The following GREB1 variants were observed in gnomAD, a reference collection of about 807,000 sequenced individuals.
GREB1 encodes growth regulating estrogen receptor binding 1.
Under a neutral mutation model 200.7 loss-of-function variants are expected in GREB1, and 106 were observed. The ratio of observed to expected loss-of-function variants is 0.53; its 90% CI spans 0.45 to 0.62. GREB1 has a LOEUF of 0.62. Among genes scored for constraint, GREB1 ranks in the 20% least tolerant of loss-of-function variants. GREB1 has a pLI of 0.00. For missense variants in GREB1, 2,243 were observed against 2,556.8 expected (o/e 0.88, Z 2.65); for synonymous variants, 1,132 against 1,092.4 (o/e 1.04, Z -0.72).
At chr2:11,488,873 T>A (rs1411183031) in intron 1 of GREB1, among the ~76,000 whole-genome samples, 2 of 105,784 alleles carry the variant, frequency 1.9e-5, no homozygotes, top group Non-Finnish European at 4.0e-5. Context: ...CAGTTTTCAT[T>A]AAAAAAAAAA....
chr2:11,627,376 G>A (rs1192437306), intron 25 of GREB1, among the ~76,000 whole-genome samples: 2 of 152,216 alleles, frequency 1.3e-5, no homozygotes, highest in Admixed American at 6.5e-5. Context: ...GCTTTCAGAA[G>A]TTAGTCCAAT....
intron 1 of GREB1, among the ~76,000 whole-genome samples, chr2:11,505,180 C>G (rs1166776075): frequency 6.6e-6 from 1 of 152,160 alleles, no homozygotes; most frequent in Non-Finnish European, 1.5e-5. Flanking sequence ...GATCCACCTG[C>G]CTCGGCCTCC....
intron 1 of GREB1, among the ~76,000 whole-genome samples, chr2:11,484,671 G>C (rs1235421346): frequency 6.6e-6 from 1 of 152,020 alleles, no homozygotes; most frequent in Non-Finnish European, 1.5e-5. Context: ...TGTAGTCCTA[G>C]CACTTGGAGC....
intron 17 of GREB1, among the ~76,000 whole-genome samples, chr2:11,605,144 C>CTTTTTT (rs3035991): frequency 0.011 from 501 of 44,812 alleles, 115 homozygotes; most frequent in East Asian, 0.024. Context: ...GAGCCTGCTT[C>CTTTTTT]TTTTTTTTTT....
chr2:11,571,812 G>A (rs373203324), intron 4 of GREB1, among the ~76,000 whole-genome samples: 3 of 152,008 alleles, frequency 2.0e-5, no homozygotes, highest in South Asian at 4.1e-4. Flanking sequence ...CTGGGTTCAC[G>A]CCATTCTCCT....
intron 7 of GREB1, 66 bp from the exon 8 acceptor site, chr2:11,585,095 C>A: frequency 4.9e-6 from 4 of 813,348 alleles, no homozygotes; most frequent in South Asian, 5.1e-5. Context: ...TTCTCCAAAC[C>A]AAGGGTAAAT....
intron 1 of GREB1, among the ~76,000 whole-genome samples, chr2:11,546,910 A>C (rs1039724012): frequency 2.0e-5 from 3 of 149,802 alleles, no homozygotes; most frequent in African/African-American, 7.4e-5. Flanking sequence ...GAAAGTGAGG[A>C]TGTCTGAGAA....
At chr2:11,504,755 G>T (rs1673135540) in intron 1 of GREB1, among the ~76,000 whole-genome samples, 2 of 152,088 alleles carry the variant, frequency 1.3e-5, no homozygotes, top group East Asian at 3.9e-4. Flanking sequence ...TCCAAACATT[G>T]CTTGATTGCT....
upstream of GREB1, among the ~76,000 whole-genome samples, chr2:11,533,058 A>G (rs557236061): frequency 2.0e-5 from 3 of 152,386 alleles, no homozygotes; most frequent in Admixed American, 2.0e-4. Context: ...GAAGGAATGA[A>G]TGGCAACTCC....
intron 1 of GREB1, among the ~76,000 whole-genome samples, chr2:11,509,869 GTT>G (rs1279120280): frequency 6.6e-6 from 1 of 152,170 alleles, no homozygotes; most frequent in East Asian, 1.9e-4. Flanking sequence ...AATTTCTGTT[GTT>G]TATAAATTAG....
chr2:11,591,443 G>A (rs1196325170), intron 10 of GREB1: 1 of 722,198 alleles, frequency 1.4e-6, no homozygotes, highest in East Asian at 2.6e-5. Flanking sequence ...ATTCATAAAA[G>A]AGAAAATACC....
chr2:11,533,108 C>G (rs1572602765), upstream of GREB1, among the ~76,000 whole-genome samples: 2 of 152,284 alleles, frequency 1.3e-5, 1 homozygote. Context: ...AGAGACTGAT[C>G]AACATGAGAC....
Position 11,558,291 on chromosome 2 carries a change from C to T in GREB1, c.157+1520C>T, listed in dbSNP as rs150118861. ...AAGCCCTTTGAGGATTCCAAATTAG[C>T]TTTCCCTCCTGTTGAAAGATCTTGA... is the stretch of plus-strand genomic sequence containing the variant. On this transcript the variant is annotated intron_variant, in intron 2 of 32. Transcript: ENST00000381486. Among the ~76,000 whole-genome samples, 220 of 152,362 alleles carry T rather than the reference C, an allele frequency of 1.4e-3. 1 individual carries two copies. The highest frequency in any genetic ancestry group is 4.8e-3 in the African/African-American group (199 of 41,586).
chr2:11,517,506 A>G (rs1373798990), intron 1 of GREB1: 1 of 56,270 alleles, frequency 1.8e-5, no homozygotes, highest in African/African-American at 3.1e-5. Flanking sequence ...TGTAGACTTG[A>G]AAAAAAAAAG....
chr2:11,580,937 T>C lies in GREB1; in HGVS notation c.901+105T>C. The C allele has an allele frequency of 7.2e-7, 1 of 1,398,200 alleles. No homozygotes were observed. Among genetic ancestry groups the C allele is most frequent in the South Asian group, 1.2e-5 (1 of 83,684 alleles). The allele number at this position is 1,398,200 out of a possible 1,614,324, so 86.6% of individuals were successfully genotyped here. A position where few individuals can be genotyped will look rare whatever the true frequency, so the allele number is the denominator to read the frequency against. On this transcript the variant is annotated intron_variant, in intron 7 of 32. Coordinates refer to ENST00000381486, the MANE Select transcript of GREB1 (RefSeq NM_014668.4). The surrounding 1 kb of genome is among the most constrained non-coding windows in gnomAD (Gnocchi z 4.5). The stretch of plus-strand genomic sequence containing the variant: ...GCTGGGGCCGCTGAGCCTCCTGGAG[T>C]CTGATGTGGCTTCCATGAGAGTCAG...
chr2:11,631,070 CA>C (rs776843213), intron 26 of GREB1, among the ~76,000 whole-genome samples: 8 of 152,148 alleles, frequency 5.3e-5, no homozygotes, highest in Non-Finnish European at 1.2e-4. Context: ...GGTGAAATTC[CA>C]GGGGTGAAAT....
At chr2:11,545,493 G>A (rs1675187728) in intron 1 of GREB1, among the ~76,000 whole-genome samples, 1 of 152,144 alleles carries the variant, frequency 6.6e-6, no homozygotes, top group Non-Finnish European at 1.5e-5. Context: ...AGAACCCAAG[G>A]CAATCCTTTT....
In GREB1 at chr2:11,600,848, G is replaced by GGT; in HGVS notation, c.2384_2385dup (p.Asp796TrpfsTer10). 1 of 1,614,154 alleles carries GGT rather than the reference G, an allele frequency of 6.2e-7. No homozygotes were observed. ...CTCAAAGTGACCCGTCGGTGGGATT[G>GGT]GTGGACCGATTGCTCAACTGCAGGG... On this transcript the variant is annotated frameshift_variant, in exon 16 of 33. Transcript: ENST00000381486. LOFTEE classifies it high-confidence loss of function.
rs1397774857 is a variant in GREB1, at chr2:11,538,763, CCTTCCTTCCTTCCCGT to C, written c.-162+4523_-162+4538del. Among the ~76,000 whole-genome samples, 22 of 78,006 alleles carry C rather than the reference CCTTCCTTCCTTCCCGT, an allele frequency of 2.8e-4. 5 individuals carry two copies. The highest frequency in any genetic ancestry group is 5.1e-4 in the Non-Finnish European group (21 of 41,038). 51.2% of individuals were successfully genotyped at this position (78,006 alleles called of 152,430 possible). ...CCCTTCCTTCTTTCCTTCCTTTCTT[CCTTCCTTCCTTCCCGT>C]CTTCCTTCCTTCCTTCCCTTCTTTA... On this transcript the variant is annotated intron_variant, in intron 1 of 32. Transcript: ENST00000381486.
Sources: gnomAD v4.1 joint callset for allele counts (sites outside exome capture counted in the v4.1 genomes callset) on GRCh38, gnomAD v4.1.1 for gene constraint, Gnocchi (gnomAD v3.1) non-coding constraint, MANE v1.5 for transcripts, NCBI Gene and HGNC (gene_info 2026-07-23, HGNC 2026-07-21) for gene names.